The following GAREM2 variants were observed in gnomAD, a reference collection of about 807,000 sequenced individuals.
GAREM2 encodes GRB2 associated regulator of MAPK1 subtype 2, also known as GRB2-associated and regulator of MAPK protein 2.
A neutral mutation model predicts 55.6 loss-of-function variants in GAREM2; 30 were observed. The ratio of observed to expected loss-of-function variants is 0.54; its 90% CI spans 0.40 to 0.73. GAREM2 has a LOEUF of 0.73. Among genes scored for constraint, GAREM2 ranks in the 30% least tolerant of loss-of-function variants. GAREM2 has a pLI of 0.00. For synonymous variants in GAREM2, 550 were observed against 569.1 expected (o/e 0.97, Z 0.48); for missense variants, 1,075 against 1,257.7 (o/e 0.85, Z 2.20).
At position 26,186,175 on chromosome 2, in the gene GAREM2, C is replaced by T; in HGVS notation, c.1429-14C>T. 1 of 1,486,982 alleles carries T rather than the reference C, an allele frequency of 6.7e-7. No individual in the cohort carries two copies. Among genetic ancestry groups the T allele is most frequent in the Non-Finnish European group, 9.0e-7 (1 of 1,116,030 alleles). 92.1% of individuals were successfully genotyped at this position (1,486,982 alleles called of 1,614,324 possible). A position where few individuals can be genotyped will look rare whatever the true frequency, so the allele number is the denominator to read the frequency against. On this transcript the variant is annotated splice_polypyrimidine_tract_variant and intron_variant, in intron 4 of 5. Coordinates refer to ENST00000401533, the MANE Select transcript of GAREM2 (RefSeq NM_001168241.2). ...GTTTGGAGTCGAGGTGGAGTCACCG[C>T]CCTCTGCTTGTAGGTGAAGGAGGAG...
chr2:26,187,667 C>T lies in GAREM2; in HGVS notation c.2035C>T (p.Pro679Ser). ...GCCAGGCCAGGCCTATTCAGCTGCT[C>T]CCCCCTCCTCCTGCGCCCCCTCCTC... ...ASPGQAYSAA[P>S]PSSCAPSSSS... Residue 679 changes from proline to serine, a missense_variant, in exon 6 of 6, where the codon CCC becomes TCC. Coordinates refer to ENST00000401533, the MANE Select transcript of GAREM2 (RefSeq NM_001168241.2). The T allele has an allele frequency of 4.0e-6, 6 of 1,508,076 alleles. No homozygotes were observed. The highest frequency in any genetic ancestry group is 3.8e-5 in the South Asian group (3 of 79,266). The allele number at this position is 1,508,076 out of a possible 1,614,324, so 93.4% of individuals were successfully genotyped here.
chr2:26,193,908 G>A, downstream of GAREM2: 2 of 692,942 alleles, frequency 2.9e-6, no homozygotes, highest in East Asian at 5.3e-5. Flanking sequence ...CAGGACTGGT[G>A]CTATTTCATT....
chr2:26,202,045 C>T, the GAREM2 span, among the ~76,000 whole-genome samples: 2 of 151,832 alleles, frequency 1.3e-5, no homozygotes, highest in Non-Finnish European at 2.9e-5. Context: ...GTGTTCCATC[C>T]GCCTCAGCCT....
Position 26,188,329 on chromosome 2 carries a change from G to C in GAREM2, c.*72G>C, listed in dbSNP as rs531693766. ...CAGGTACAGCACTCCGGAGGAGCAG[G>C]TGCTGCCTGCAAGAAGGATCTATGT... On this transcript the variant is annotated 3_prime_UTR_variant, in exon 6 of 6. Transcript: ENST00000401533. 5.9e-6 allele frequency: 7 copies of C among 1,193,536 alleles called. No homozygotes were observed. The highest frequency in any genetic ancestry group is 3.1e-5 in the African/African-American group (2 of 64,212). The allele number at this position is 1,193,536 out of a possible 1,614,324, so 73.9% of individuals were successfully genotyped here.
At chr2:26,184,147 GT>G in intron 3 of GAREM2, 85 bp from the exon 4 acceptor site, 1 of 1,517,438 alleles carries the variant, frequency 6.6e-7, no homozygotes, top group Non-Finnish European at 8.9e-7. Flanking sequence ...GAGGAAGGCT[GT>G]TTTCCCTTTC....
rs1353113294 is a variant in GAREM2 at position 26,173,104 on chromosome 2, G to C, written c.-117G>C. 2 of 164,712 alleles carry C rather than the reference G, an allele frequency of 1.2e-5. No individual in the cohort carries two copies. Among genetic ancestry groups the C allele is most frequent in the Non-Finnish European group, 2.4e-5 (2 of 83,208 alleles). The allele number at this position is 164,712 out of a possible 1,614,324, so 10.2% of individuals were successfully genotyped here. A position where few individuals can be genotyped will look rare whatever the true frequency, so the allele number is the denominator to read the frequency against. On this transcript the variant is annotated 5_prime_UTR_variant, in exon 1 of 6. Coordinates refer to ENST00000401533, the MANE Select transcript of GAREM2 (RefSeq NM_001168241.2). The stretch of plus-strand genomic sequence containing the variant: ...CCACGTGACGCCCGCGGCCCGGCGG[G>C]GCTGCCAGGCGGCGAGCGCCGCGGC...
chr2:26,194,467 T>C, downstream of GAREM2: 1 of 790,830 alleles, frequency 1.3e-6, no homozygotes, highest in Non-Finnish European at 2.3e-6. Context: ...AGAGCAGGAG[T>C]TGGTGTATCA....
chr2:26,204,187 A>G, the GAREM2 span: 1 of 1,614,058 alleles, frequency 6.2e-7, no homozygotes, highest in Non-Finnish European at 8.5e-7. Context: ...CACCAAGAAT[A>G]GCCAGATGCC....
At chr2:26,202,246 A>G in the GAREM2 span, among the ~76,000 whole-genome samples, 1 of 152,298 alleles carries the variant, frequency 6.6e-6, no homozygotes, top group South Asian at 2.1e-4. Flanking sequence ...GCAGAAAAGG[A>G]TTCCTGTTAT....
chr2:26,193,593 C>T (rs2147751984), downstream of GAREM2: 1 of 1,613,708 alleles, frequency 6.2e-7, no homozygotes, highest in Non-Finnish European at 8.5e-7. Flanking sequence ...AGCCCTTGGA[C>T]ACCATCTGTG....
downstream of GAREM2, among the ~76,000 whole-genome samples, chr2:26,191,959 T>C (rs544563742): frequency 5.9e-5 from 9 of 152,330 alleles, no homozygotes; most frequent in South Asian, 1.9e-3. Flanking sequence ...GAATCTGTCC[T>C]TCCAGCGGCT....
chr2:26,176,535 G>T, intron 2 of GAREM2, 51 bp downstream of exon 2: 1 of 1,427,246 alleles, frequency 7.0e-7, no homozygotes, highest in African/African-American at 1.4e-5. Flanking sequence ...GGTGTAGGCA[G>T]GAGGGACTGG....
At chr2:26,192,603 T>C (rs551191116), downstream of GAREM2, among the ~76,000 whole-genome samples, 1 of 152,166 alleles carries the variant, frequency 6.6e-6, no homozygotes, top group Non-Finnish European at 1.5e-5. Flanking sequence ...CTGGCCAACA[T>C]GGTGAAACCC....
Position 26,173,252 on chromosome 2 carries a change from TG to T in GAREM2, c.33del (p.Arg12AlafsTer50). 2.2e-6 allele frequency: 3 copies of T among 1,363,076 alleles called. No homozygotes were observed. The highest frequency in any genetic ancestry group is 2.8e-6 in the Non-Finnish European group (3 of 1,053,468). 84.4% of individuals were successfully genotyped at this position (1,363,076 alleles called of 1,614,324 possible). On this transcript the variant is annotated frameshift_variant, in exon 1 of 6. Coordinates refer to ENST00000401533, the MANE Select transcript of GAREM2 (RefSeq NM_001168241.2). LOFTEE classifies it high-confidence loss of function. Reference protein sequence around the residue: MEKLAAGLAGLRWSMGAFPLD... With the variant: MEKLAAGLAGXRWSMGAFPLD... ...AAGCTGGCGGCCGGGCTGGCCGGCC[TG>T]CGCTGGAGCATGGGCGCCTTCCCGC... is the stretch of plus-strand genomic sequence containing the variant.
chr2:26,177,720 A>G (rs1340569757), intron 2 of GAREM2, among the ~76,000 whole-genome samples: 1 of 151,892 alleles, frequency 6.6e-6, no homozygotes, highest in Non-Finnish European at 1.5e-5. Flanking sequence ...ACTGCCTCCG[A>G]GGTTCAAGGG....
chr2:26,194,393 G>C (rs1322211519), downstream of GAREM2, among the ~76,000 whole-genome samples: 1 of 152,194 alleles, frequency 6.6e-6, no homozygotes, highest in Non-Finnish European at 1.5e-5. Flanking sequence ...GCCCCTTTCA[G>C]TGCAGTATAA....
chr2:26,186,158 T>TCAC lies in GAREM2; in HGVS notation c.1429-30_1429-29insACC, dbSNP rs1465923145. ...GATAAGGAGTGCCAGCTGTTTGGAG[T>TCAC]CGAGGTGGAGTCACCGCCCTCTGCT... On this transcript the variant is annotated intron_variant, in intron 4 of 5. Transcript: ENST00000401533. 4 of 1,462,200 alleles carry TCAC rather than the reference T, an allele frequency of 2.7e-6. No individual in the cohort carries two copies. In the East Asian group the frequency reaches 1.1e-4, roughly 39 times the overall value. The allele number at this position is 1,462,200 out of a possible 1,614,324, so 90.6% of individuals were successfully genotyped here. A position where few individuals can be genotyped will look rare whatever the true frequency, so the allele number is the denominator to read the frequency against.
At chr2:26,182,387 G>T in intron 2 of GAREM2, 1 of 1,546,732 alleles carries the variant, frequency 6.5e-7, no homozygotes, top group South Asian at 1.2e-5. Context: ...GCTGGGGTCA[G>T]AGTGGTTCTC....
intron 1 of GAREM2, among the ~76,000 whole-genome samples, chr2:26,175,075 CCA>C (rs113787363): frequency 3.7e-4 from 56 of 150,050 alleles, no homozygotes; most frequent in Non-Finnish European, 5.2e-4. Flanking sequence ...CGCCACCCTG[CCA>C]CACACACACA....
Sources: gnomAD v4.1 joint callset for allele counts (sites outside exome capture counted in the v4.1 genomes callset) on GRCh38, gnomAD v4.1.1 for gene constraint, MANE v1.5 for transcripts, NCBI Gene and HGNC (gene_info 2026-07-23, HGNC 2026-07-21) for gene names.